RGS22: variants seen among roughly 807,000 people sequenced by gnomAD.
The protein encoded by RGS22 is regulator of G-protein signaling 22.
Under a neutral mutation model 172.9 loss-of-function variants are expected in RGS22, and 148 were observed. The observed-to-expected ratio is 0.86, with a 90% confidence interval of 0.75 to 0.98. The LOEUF (loss-of-function observed/expected upper bound fraction) is 0.98. Among genes scored for constraint, RGS22 ranks in the 50% least tolerant of loss-of-function variants. RGS22 has a pLI of 0.00. For missense variants in RGS22, 1,347 were observed against 1,440.8 expected, an observed-to-expected ratio of 0.93 and a Z score of 1.05; for synonymous variants, 458 against 480.2, an observed-to-expected ratio of 0.95 and a Z score of 0.60.
At chr8:100,016,476 T>G (rs904358230) in intron 14 of RGS22, among the ~76,000 whole-genome samples, 2 of 152,106 alleles carry the variant, frequency 1.3e-5, no homozygotes, top group African/African-American at 4.8e-5. Context: ...AGCATAATCC[T>G]TAAGAATAAT....
Position 100,072,214 on chromosome 8 carries a change from T to G in RGS22, c.356A>C (p.Glu119Ala), listed in dbSNP as rs1302829372. ...NYNIMCLSRE[E>A]GIKWIKKERL... ...TTCTTTTTTGATCCACTTAATACCT[T>G]CTTCACGACTGAGACACTATGAGAA... The change falls in exon 5 of 28, where the codon GAA becomes GCA. Residue 119 changes from glutamate (E) to alanine (A), a missense_variant. Physicochemically the swap from Glu to Ala is moderately radical, Grantham distance 107. Transcript: ENST00000360863. 1 of 1,590,014 alleles carries G rather than the reference T, an allele frequency of 6.3e-7. No homozygotes were observed. Among genetic ancestry groups the G allele is most frequent in the African/African-American group, 1.4e-5 (1 of 73,416 alleles).
intron 14 of RGS22, among the ~76,000 whole-genome samples, chr8:100,028,455 C>CA (rs201672610): frequency 0.1 from 9,572 of 91,692 alleles, 387 homozygotes; most frequent in African/African-American, 0.14. Context: ...ACCTAGGAGA[C>CA]AAAAAAAAAA....
At chr8:100,098,341 GAATAATACT>G (rs1563731745) in intron 2 of RGS22, among the ~76,000 whole-genome samples, 1 of 152,036 alleles carries the variant, frequency 6.6e-6, no homozygotes, top group African/African-American at 2.4e-5. Flanking sequence ...AGACTCTAAC[GAATAATACT>G]AATTAAAAGA....
chr8:100,087,709 C>T (rs910214587), intron 3 of RGS22, among the ~76,000 whole-genome samples: 1 of 152,040 alleles, frequency 6.6e-6, no homozygotes, highest in Non-Finnish European at 1.5e-5. Context: ...AACATGCATC[C>T]CTAGTCAGTG....
intron 9 of RGS22, among the ~76,000 whole-genome samples, chr8:100,058,409 C>T (rs1027308880): frequency 6.6e-6 from 1 of 152,064 alleles, no homozygotes; most frequent in Admixed American, 6.6e-5. Flanking sequence ...GCATTTAATA[C>T]TCAAACTCCC....
intron 14 of RGS22, 139 bp downstream of exon 14, chr8:100,038,792 A>G (rs1179140395): frequency 2.3e-6 from 1 of 439,510 alleles, no homozygotes; most frequent in Non-Finnish European, 4.0e-6. Context: ...GCTGATTTCA[A>G]ATACAGTAAT....
chr8:99,967,521 C>T (rs1206010984), intron 23 of RGS22, among the ~76,000 whole-genome samples: 1 of 152,134 alleles, frequency 6.6e-6, no homozygotes, highest in East Asian at 1.9e-4. Flanking sequence ...CTGAAGTCAA[C>T]CTGGGACACT....
chr8:100,095,180 G>A (rs577176029), intron 2 of RGS22, among the ~76,000 whole-genome samples: 91 of 152,046 alleles, frequency 6.0e-4, no homozygotes, highest in African/African-American at 2.2e-3. Context: ...TGAGATACCC[G>A]TTTTATTTTT....
intron 12 of RGS22, among the ~76,000 whole-genome samples, chr8:100,040,932 T>C (rs1253424268): frequency 1.3e-5 from 2 of 152,174 alleles, no homozygotes; most frequent in African/African-American, 4.8e-5. Flanking sequence ...GTTTTTACTA[T>C]GTTTAACTAT....
At chr8:100,060,402 G>GTGTA (rs1193942289) in intron 9 of RGS22, among the ~76,000 whole-genome samples, 12 of 102,984 alleles carry the variant, frequency 1.2e-4, no homozygotes, top group African/African-American at 3.4e-4. Flanking sequence ...TTAGCTACGT[G>GTGTA]TATATATATA....
At chr8:100,031,645 C>T (rs2131540655) in intron 14 of RGS22, among the ~76,000 whole-genome samples, 1 of 151,868 alleles carries the variant, frequency 6.6e-6, no homozygotes, top group South Asian at 2.1e-4. Flanking sequence ...ATTTAAATAT[C>T]ATTATGTATG....
intron 5 of RGS22, among the ~76,000 whole-genome samples, chr8:100,071,914 A>G (rs1644936122): frequency 6.6e-6 from 1 of 152,180 alleles, no homozygotes; most frequent in Admixed American, 6.5e-5. Flanking sequence ...TTTTTAAAAT[A>G]TGGCTGGTTG....
intron 10 of RGS22, among the ~76,000 whole-genome samples, chr8:100,048,448 T>G (rs1214428883): frequency 1.3e-5 from 2 of 152,100 alleles, no homozygotes; most frequent in African/African-American, 4.8e-5. Context: ...TTTTTATAAT[T>G]TCAAAAACAA....
At chr8:100,041,451 C>T (rs1159815129) in intron 12 of RGS22, among the ~76,000 whole-genome samples, 5 of 149,390 alleles carry the variant, frequency 3.3e-5, no homozygotes, top group African/African-American at 1.2e-4. Flanking sequence ...GACCATGCCA[C>T]GGCACTCCAG....
intron 9 of RGS22, among the ~76,000 whole-genome samples, chr8:100,060,076 A>G (rs1040919081): frequency 7.2e-5 from 11 of 152,106 alleles, no homozygotes; most frequent in African/African-American, 2.7e-4. Flanking sequence ...TCTACTGTAG[A>G]TAAGTGACAC....
chr8:100,046,907 C>T (rs1820783136), intron 11 of RGS22, among the ~76,000 whole-genome samples: 2 of 151,890 alleles, frequency 1.3e-5, no homozygotes, highest in East Asian at 1.9e-4. Context: ...CTCTGCCTCC[C>T]GGGTTCAAGT....
chr8:99,966,660 A>AT (rs1483320030), intron 23 of RGS22, among the ~76,000 whole-genome samples: 1 of 152,180 alleles, frequency 6.6e-6, no homozygotes, highest in Non-Finnish European at 1.5e-5. Context: ...TTTTTTCAAT[A>AT]TCCCTACTAA....
In RGS22 at chr8:100,072,905, C is replaced by G. The variant is rs757944454; in HGVS notation, c.340-675G>C. ...AACCATAAGTGTAGCAGTATTAGGT[C>G]ACAGGATGAGAGAGAGAAAGGTTGG... On this transcript the variant is annotated intron_variant, in intron 4 of 27. Coordinates refer to ENST00000360863, the MANE Select transcript of RGS22 (RefSeq NM_015668.5). Among the ~76,000 whole-genome samples the G allele has an allele frequency of 2.0e-5, 3 of 152,070 alleles. No homozygotes were observed. In the East Asian group the frequency reaches 5.8e-4, roughly 29 times the overall value.
intron 15 of RGS22, 32 bp downstream of exon 15, chr8:100,008,343 G>A (rs968568199): frequency 6.3e-7 from 1 of 1,586,460 alleles, no homozygotes; most frequent in Non-Finnish European, 8.6e-7. Context: ...AACCTGAATG[G>A]TTTCACACTC....
Sources: allele counts gnomAD v4.1 joint callset (sites outside exome capture counted in the v4.1 genomes callset), GRCh38; gene constraint gnomAD v4.1.1; transcripts MANE v1.5; gene names NCBI Gene and HGNC (gene_info 2026-07-23, HGNC 2026-07-21).